GRM7: variants seen among roughly 807,000 people sequenced by gnomAD.
GRM7 encodes glutamate metabotropic receptor 7, also known as metabotropic glutamate receptor 7.
GRM7 carries 35 observed loss-of-function variants against 84.5 expected under a neutral mutation model. The observed-to-expected ratio is 0.41, with a 90% CI of 0.32 to 0.55. The LOEUF is 0.55. Ranked by LOEUF, GRM7 falls within the 20% of genes least tolerant of loss-of-function variation. The probability of loss-of-function intolerance (pLI) is 0.19; values close to 1 mark genes in which losing one functional copy is unlikely to be tolerated. For missense variants in GRM7, 1,003 were observed against 1,194.6 expected, an observed-to-expected ratio of 0.84 and a Z score of 2.36; for synonymous variants, 487 against 455.1, an observed-to-expected ratio of 1.07 and a Z score of -0.89.
chr3:7,446,491 C>G (rs1243825710), intron 5 of GRM7, among the ~76,000 whole-genome samples: 2 of 128,962 alleles, frequency 1.6e-5, no homozygotes, highest in African/African-American at 5.9e-5. Flanking sequence ...GACGGAGTCT[C>G]ATTCTGTAGC....
rs112192697 is a variant in GRM7 at position 7,102,908 on chromosome 3, T to C, written c.520-43544T>C. Among the ~76,000 whole-genome samples the C allele has an allele frequency of 2.4e-3, 358 of 151,900 alleles. 2 individuals are homozygous for C. The highest frequency in any genetic ancestry group is 8.3e-3 in the African/African-American group (346 of 41,522). ...TAGAATTTTTGTTCCATTCTTTTTT[T>C]CTTTTATATAGTTTTATCTGCTGAT... On this transcript the variant is annotated intron_variant, in intron 1 of 9. Transcript: ENST00000357716.
chr3:7,412,686 T>G (rs183977349), intron 4 of GRM7, among the ~76,000 whole-genome samples: 10 of 152,314 alleles, frequency 6.6e-5, no homozygotes, highest in Non-Finnish European at 1.5e-4. Context: ...TTGCTCAACA[T>G]GTAACCAATG....
chr3:7,348,258 T>C (rs1692979150), intron 4 of GRM7, among the ~76,000 whole-genome samples: 2 of 152,110 alleles, frequency 1.3e-5, no homozygotes, highest in Non-Finnish European at 2.9e-5. Flanking sequence ...TGATCTCCAT[T>C]ATTTGCTAAT....
chr3:7,347,880 T>C (rs1368517129), intron 4 of GRM7, among the ~76,000 whole-genome samples: 1 of 152,148 alleles, frequency 6.6e-6, no homozygotes, highest in African/African-American at 2.4e-5. Context: ...TTCTCTGGAT[T>C]CCCTCCACCT....
At position 7,508,412 on chromosome 3, in the gene GRM7, AT is replaced by A. The variant is rs903052437; in HGVS notation, c.1515+46696del. On this transcript the variant is annotated intron_variant, in intron 7 of 9. Coordinates refer to ENST00000357716, the MANE Select transcript of GRM7 (RefSeq NM_000844.4). Reference sequence around the variant, plus strand: ...TACCTTATATTTAAAAACAAAAATAATTTTTTGTCAATAAACATTTATAGAG... The same window carrying A: ...TACCTTATATTTAAAAACAAAAATAATTTTTGTCAATAAACATTTATAGAG... Among the ~76,000 whole-genome samples, 89 of 152,284 alleles carry A rather than the reference AT, an allele frequency of 5.8e-4. 1 individual carries two copies. The highest frequency in any genetic ancestry group is 2.0e-3 in the African/African-American group (84 of 41,552).
chr3:7,276,793 T>TCCCTCCCTCCCTC (rs1284569690), intron 2 of GRM7, among the ~76,000 whole-genome samples: 1 of 3,312 alleles, frequency 3.0e-4, no homozygotes, highest in Non-Finnish European at 7.2e-4. Context: ...CTTCCTTCCT[T>TCCCTCCCTCCCTC]CCTTCCTTCC....
At chr3:7,270,477 G>T (rs1698814846) in intron 2 of GRM7, among the ~76,000 whole-genome samples, 1 of 151,734 alleles carries the variant, frequency 6.6e-6, no homozygotes, top group Non-Finnish European at 1.5e-5. Flanking sequence ...GTTTTTTTTA[G>T]CCTTTCTCCC....
intron 1 of GRM7, among the ~76,000 whole-genome samples, chr3:7,060,970 A>T (rs1214141032): frequency 1.3e-5 from 2 of 151,836 alleles, no homozygotes; most frequent in Non-Finnish European, 2.9e-5. Flanking sequence ...ACTGCCGTTG[A>T]ATCCATAAGC....
chr3:7,042,937 G>T (rs1011220604), intron 1 of GRM7, among the ~76,000 whole-genome samples: 10 of 152,156 alleles, frequency 6.6e-5, no homozygotes, highest in Non-Finnish European at 1.3e-4. Flanking sequence ...ATGTACTCAA[G>T]TTACTTAAAG....
At chr3:7,660,179 T>A (rs1402185453) in intron 8 of GRM7, among the ~76,000 whole-genome samples, 1 of 152,208 alleles carries the variant, frequency 6.6e-6, no homozygotes, top group Non-Finnish European at 1.5e-5. Flanking sequence ...AAACTGTAAT[T>A]TTTTTAATGG....
At chr3:6,998,624 T>C (rs556346094) in intron 1 of GRM7, among the ~76,000 whole-genome samples, 74 of 152,238 alleles carry the variant, frequency 4.9e-4, no homozygotes, top group Admixed American at 7.2e-4. Flanking sequence ...AACTTCTGCC[T>C]GGGCATCGAG....
At chr3:7,593,425 G>A (rs541398759) in intron 8 of GRM7, among the ~76,000 whole-genome samples, 2 of 152,254 alleles carry the variant, frequency 1.3e-5, no homozygotes, top group East Asian at 3.9e-4. Flanking sequence ...TTGCCCTCAT[G>A]GAAATCACAT....
At chr3:7,396,280 A>C (rs1695210160) in intron 4 of GRM7, among the ~76,000 whole-genome samples, 2 of 152,138 alleles carry the variant, frequency 1.3e-5, no homozygotes, top group Admixed American at 1.3e-4. Flanking sequence ...GTAATAAATA[A>C]AGTGAAAGTG....
chr3:7,510,859 A>G (rs966408958), intron 7 of GRM7, among the ~76,000 whole-genome samples: 13 of 152,194 alleles, frequency 8.5e-5, no homozygotes, highest in Non-Finnish European at 1.6e-4. Flanking sequence ...CATATTTTCT[A>G]TGGCTGTGTT....
Position 6,914,303 on chromosome 3 carries a change from A to C in GRM7, c.519+52396A>C, listed in dbSNP as rs561960872. 2.6e-5 allele frequency among the ~76,000 whole-genome samples: 4 copies of C among 152,310 alleles called. No homozygotes were observed. In the South Asian group the frequency reaches 8.3e-4, roughly 32 times the overall value. On this transcript the variant is annotated intron_variant, in intron 1 of 9. Coordinates refer to ENST00000357716, the MANE Select transcript of GRM7 (RefSeq NM_000844.4). ...TGATGGTTATATTGCTTCCACAGTC[A>C]TATATTCTAAAAATAACTTACTTCA...
intron 9 of GRM7, among the ~76,000 whole-genome samples, chr3:7,702,923 C>G (rs903219706): frequency 7.2e-5 from 11 of 151,932 alleles, no homozygotes; most frequent in African/African-American, 2.7e-4. Flanking sequence ...AAAAATTAAT[C>G]CAACATTAGG....
chr3:7,434,266 C>A (rs1868618), intron 5 of GRM7, among the ~76,000 whole-genome samples: 50,029 of 151,982 alleles, frequency 0.33, 9,544 homozygotes, highest in Non-Finnish European at 0.44. Context: ...TGACACAGTG[C>A]TTTCTTATTT....
chr3:6,978,190 C>T (rs1440854410), intron 1 of GRM7, among the ~76,000 whole-genome samples: 1 of 152,078 alleles, frequency 6.6e-6, no homozygotes, highest in Non-Finnish European at 1.5e-5. Flanking sequence ...GCAGAAGAGA[C>T]ACAGAGAAAA....
At chr3:7,368,556 A>G (rs1694005122) in intron 4 of GRM7, among the ~76,000 whole-genome samples, 1 of 152,144 alleles carries the variant, frequency 6.6e-6, no homozygotes, top group Admixed American at 6.6e-5. Flanking sequence ...TGTTGAAAAT[A>G]GGAAGTGTGT....
Sources: allele counts gnomAD v4.1 joint callset (sites outside exome capture counted in the v4.1 genomes callset), GRCh38; gene constraint gnomAD v4.1.1; transcripts MANE v1.5; gene names NCBI Gene and HGNC (gene_info 2026-07-23, HGNC 2026-07-21).